DNASE1: variants seen among roughly 807,000 people sequenced by gnomAD.
DNASE1 encodes the protein deoxyribonuclease-1.
Under a neutral mutation model 33.9 loss-of-function variants are expected in DNASE1, and 40 were observed. That is an observed-to-expected ratio of 1.18 (90% CI 0.92 to 1.54). The LOEUF (loss-of-function observed/expected upper bound fraction) is 1.54. DNASE1 is among the 40% of genes most tolerant of loss of function. The pLI is 0.00. For synonymous variants in DNASE1, 216 were observed against 160.0 expected (o/e 1.35, Z -2.64); for missense variants, 518 against 372.6 (o/e 1.39, Z -3.21).
intron 1 of DNASE1, among the ~76,000 whole-genome samples, chr16:3,624,051 A>G (rs1368171400): frequency 6.6e-6 from 1 of 152,052 alleles, no homozygotes; most frequent in Non-Finnish European, 1.5e-5. Flanking sequence ...TTGGGAGGCT[A>G]AGGCAGGCGG....
chr16:3,664,622 T>G (rs904638587), exon 10 of DNASE1: 1 of 715,186 alleles, frequency 1.4e-6, no homozygotes, highest in Admixed American at 3.2e-5. Flanking sequence ...AGAGCAGGCC[T>G]TGCTCTGCCC....
chr16:3,622,125 CAGG>C (rs938006845), intron 1 of DNASE1, among the ~76,000 whole-genome samples: 6 of 148,586 alleles, frequency 4.0e-5, no homozygotes, highest in Admixed American at 1.4e-4. Context: ...GAGACTGAGG[CAGG>C]AGAATCGCTT....
At chr16:3,625,908 T>C (rs2151169088) in intron 1 of DNASE1, among the ~76,000 whole-genome samples, 1 of 152,322 alleles carries the variant, frequency 6.6e-6, no homozygotes, top group East Asian at 1.9e-4. Flanking sequence ...GAGATCAGAC[T>C]GAGCAAAATA....
upstream of DNASE1, among the ~76,000 whole-genome samples, chr16:3,640,349 C>G (rs1029293556): frequency 2.6e-5 from 4 of 152,200 alleles, no homozygotes; most frequent in Non-Finnish European, 5.9e-5. Context: ...ATAGCAGCAG[C>G]CTTGGCCTCC....
At chr16:3,626,019 G>A (rs2041498239) in intron 1 of DNASE1, among the ~76,000 whole-genome samples, 1 of 152,096 alleles carries the variant, frequency 6.6e-6, no homozygotes, top group Non-Finnish European at 1.5e-5. Flanking sequence ...AAGATCACTT[G>A]AGCCTGAGAA....
intron 1 of DNASE1, among the ~76,000 whole-genome samples, chr16:3,635,810 T>C (rs987140307): frequency 6.6e-6 from 1 of 152,210 alleles, no homozygotes; most frequent in Non-Finnish European, 1.5e-5. Flanking sequence ...TACTCCTTTA[T>C]AGGAAAGGAA....
At chr16:3,641,804 CAG>C (rs1036974583), upstream of DNASE1, among the ~76,000 whole-genome samples, 3 of 152,174 alleles carry the variant, frequency 2.0e-5, no homozygotes, top group African/African-American at 7.2e-5. Flanking sequence ...CACATTGCCT[CAG>C]TGTCCTGCAC....
At chr16:3,654,364 C>A (rs1246818285), upstream of DNASE1, 6 of 398,682 alleles carry the variant, frequency 1.5e-5, no homozygotes, top group Non-Finnish European at 2.7e-5. Flanking sequence ...AGCTCCCCAG[C>A]CTCCTGCAGA....
At chr16:3,636,602 G>A (rs1027189570) in intron 1 of DNASE1, among the ~76,000 whole-genome samples, 3 of 151,906 alleles carry the variant, frequency 2.0e-5, no homozygotes, top group East Asian at 3.9e-4. Context: ...GGGGAGGATC[G>A]CTTGAGCCCA....
intron 3 of DNASE1, 30 bp downstream of exon 3, chr16:3,655,967 G>A (rs573900209): frequency 2.5e-6 from 4 of 1,613,628 alleles, no homozygotes; most frequent in East Asian, 2.2e-5. Context: ...TCATAGGAAG[G>A]TGACATCTCG....
Position 3,656,747 on chromosome 16 carries a change from T to C in DNASE1, c.430T>C (p.Phe144Leu). The change falls in exon 5 of 9, where the codon TTC (phenylalanine) becomes CTC (leucine). Residue 144 changes from phenylalanine (F) to leucine (L), a missense_variant. Transcript: ENST00000246949. ...EPAIVRFFSR[F>L]TEVREFAIVP... is the part of the protein sequence containing the mutation. ...AGCCATTGTCAGGTTCTTCTCCCGG[T>C]TCACAGGTGGGTGCTGCCTGGGCCA... is the stretch of plus-strand genomic sequence containing the variant. 1 of 1,607,048 alleles carries C rather than the reference T, an allele frequency of 6.2e-7. No homozygotes were observed. Among genetic ancestry groups the C allele is most frequent in the South Asian group, 1.1e-5 (1 of 89,686 alleles).
chr16:3,626,858 C>T (rs924736891), intron 1 of DNASE1, among the ~76,000 whole-genome samples: 6 of 151,806 alleles, frequency 4.0e-5, no homozygotes, highest in African/African-American at 1.5e-4. Context: ...ATGTAATAGC[C>T]CTCTTTTATT....
chr16:3,625,767 G>A (rs56338609), intron 1 of DNASE1, among the ~76,000 whole-genome samples: 9,917 of 152,224 alleles, frequency 0.065, 334 homozygotes, highest in Admixed American at 0.077. Context: ...GACAAATTAT[G>A]TGACATTAAA....
intron 1 of DNASE1, among the ~76,000 whole-genome samples, chr16:3,631,435 C>G (rs1259552270): frequency 6.6e-6 from 1 of 152,174 alleles, no homozygotes; most frequent in African/African-American, 2.4e-5. Flanking sequence ...GAACTACTAA[C>G]CTCAGGTGAT....
chr16:3,650,385 T>A (rs1019663360), upstream of DNASE1, among the ~76,000 whole-genome samples: 3 of 151,944 alleles, frequency 2.0e-5, no homozygotes, highest in Admixed American at 1.3e-4. Flanking sequence ...TGCCTTTATG[T>A]TTGAGGGAAA....
chr16:3,625,972 C>T (rs977303165), intron 1 of DNASE1, among the ~76,000 whole-genome samples: 43 of 152,130 alleles, frequency 2.8e-4, no homozygotes, highest in African/African-American at 9.2e-4. Flanking sequence ...TCAGGGCATG[C>T]GCCTGTAGTC....
chr16:3,664,473 G>C, exon 10 of DNASE1: 1 of 1,602,184 alleles, frequency 6.2e-7, no homozygotes, highest in South Asian at 1.1e-5. Context: ...GAAGGGACGG[G>C]GCAGGTCACC....
downstream of DNASE1, chr16:3,658,455 C>T (rs542357934): frequency 5.7e-4 from 331 of 584,542 alleles, 6 homozygotes; most frequent in South Asian, 5.7e-3. Flanking sequence ...TGGCTGGGCA[C>T]GGTGGCTCAC....
upstream of DNASE1, among the ~76,000 whole-genome samples, chr16:3,639,629 C>G (rs1180536211): frequency 6.6e-6 from 1 of 152,220 alleles, no homozygotes; most frequent in African/African-American, 2.4e-5. Context: ...CCCTCTTAGT[C>G]AACTCCCTGT....
Sources: allele counts gnomAD v4.1 joint callset (sites outside exome capture counted in the v4.1 genomes callset), GRCh38; gene constraint gnomAD v4.1.1; transcripts MANE v1.5; gene names NCBI Gene and HGNC (gene_info 2026-07-23, HGNC 2026-07-21).